Variants in SPAG16 observed in about 807,000 individuals in gnomAD.
SPAG16 encodes the protein sperm-associated antigen 16 protein.
SPAG16 carries 86 observed loss-of-function variants against 80.4 expected under a neutral mutation model. The observed-to-expected ratio is 1.07, with a 90% CI of 0.90 to 1.28. The LOEUF (loss-of-function observed/expected upper bound fraction) is 1.28, where lower values mean the gene tolerates loss of function less well. Among genes scored for constraint, SPAG16 ranks in the 50% most tolerant of loss-of-function variants. The pLI is 0.00. For synonymous variants in SPAG16, 294 were observed against 265.9 expected (o/e 1.11, Z -1.03); for missense variants, 870 against 765.3 (o/e 1.14, Z -1.61).
intron 10 of SPAG16, among the ~76,000 whole-genome samples, chr2:213,513,599 A>G (rs2125822668): frequency 6.6e-6 from 1 of 152,278 alleles, no homozygotes; most frequent in Non-Finnish European, 1.5e-5. Context: ...GAGAAGGGTG[A>G]AAACAGAATG....
At chr2:214,191,360 G>C (rs910237244) in intron 15 of SPAG16, among the ~76,000 whole-genome samples, 1 of 152,070 alleles carries the variant, frequency 6.6e-6, no homozygotes, top group African/African-American at 2.4e-5. Flanking sequence ...ACCTTGAGCA[G>C]TAATTTGCTC....
rs114282726 is a variant in SPAG16, at chr2:213,767,997, A to G, written c.1071-94488A>G. On this transcript the variant is annotated intron_variant, in intron 10 of 15. Transcript: ENST00000331683. ...CAGTGTGTCAAAGTGCTGCACTGGA[A>G]CAGCTCTTAACTCAGTTTGGCAATG... Among the ~76,000 whole-genome samples the G allele has an allele frequency of 5.9e-3, 895 of 152,296 alleles. 11 individuals are homozygous for G. The highest frequency in any genetic ancestry group is 0.02 in the African/African-American group (843 of 41,546).
At chr2:213,770,140 A>T (rs956178014) in intron 10 of SPAG16, among the ~76,000 whole-genome samples, 1 of 152,154 alleles carries the variant, frequency 6.6e-6, no homozygotes, top group Non-Finnish European at 1.5e-5. Context: ...GTTTATTTAT[A>T]TATGTGTATT....
chr2:214,164,275 G>A (rs1318358298), intron 15 of SPAG16, among the ~76,000 whole-genome samples: 1 of 152,122 alleles, frequency 6.6e-6, no homozygotes, highest in African/African-American at 2.4e-5. Flanking sequence ...TTGCCAAGTG[G>A]TGATAAGTCT....
intron 13 of SPAG16, among the ~76,000 whole-genome samples, chr2:214,066,034 C>T (rs923439284): frequency 5.3e-5 from 8 of 152,176 alleles, no homozygotes; most frequent in African/African-American, 1.4e-4. Flanking sequence ...AAATCACCTT[C>T]AAATTATTCC....
At chr2:213,918,297 A>G (rs1337779100) in intron 11 of SPAG16, among the ~76,000 whole-genome samples, 1 of 152,166 alleles carries the variant, frequency 6.6e-6, no homozygotes, top group Non-Finnish European at 1.5e-5. Flanking sequence ...TGAGTTGAGA[A>G]GGAATCTCTC....
intron 12 of SPAG16, among the ~76,000 whole-genome samples, chr2:213,976,291 CAT>C (rs1226228124): frequency 4.6e-5 from 7 of 150,940 alleles, no homozygotes; most frequent in Non-Finnish European, 4.4e-5. Flanking sequence ...CATGTGTGCA[CAT>C]ATGCATACAC....
intron 10 of SPAG16, among the ~76,000 whole-genome samples, chr2:213,862,222 C>T (rs547359200): frequency 1.3e-5 from 2 of 152,132 alleles, no homozygotes; most frequent in East Asian, 1.9e-4. Context: ...TAGATATGCA[C>T]AATCACCTAA....
intron 10 of SPAG16, among the ~76,000 whole-genome samples, chr2:213,628,757 C>T (rs534387170): frequency 6.6e-6 from 1 of 152,150 alleles, no homozygotes; most frequent in African/African-American, 2.4e-5. Flanking sequence ...TTGTTAATAT[C>T]CACTTTTAAA....
intron 10 of SPAG16, among the ~76,000 whole-genome samples, chr2:213,505,210 A>G (rs539130406): frequency 6.6e-6 from 1 of 152,344 alleles, no homozygotes; most frequent in Non-Finnish European, 1.5e-5. Flanking sequence ...AGATTTAAAG[A>G]GTATTATAGA....
At chr2:213,384,315 T>C (rs1019169805) in intron 9 of SPAG16, among the ~76,000 whole-genome samples, 43 of 152,224 alleles carry the variant, frequency 2.8e-4, no homozygotes, top group African/African-American at 9.4e-4. Context: ...AGAATTAATG[T>C]GGAAGTTCTG....
At chr2:213,508,306 C>G (rs944473362) in intron 10 of SPAG16, among the ~76,000 whole-genome samples, 7 of 152,190 alleles carry the variant, frequency 4.6e-5, no homozygotes, top group Non-Finnish European at 8.8e-5. Context: ...GGCGCGGTGG[C>G]TCACGCCTGT....
chr2:213,358,647 A>T (rs1196609622), intron 7 of SPAG16, among the ~76,000 whole-genome samples: 1 of 152,184 alleles, frequency 6.6e-6, no homozygotes, highest in African/African-American at 2.4e-5. Context: ...TATTATAGTT[A>T]GCCATTCATC....
chr2:213,999,962 T>A (rs2046712978), intron 12 of SPAG16, among the ~76,000 whole-genome samples: 2 of 152,184 alleles, frequency 1.3e-5, no homozygotes, highest in Non-Finnish European at 2.9e-5. Flanking sequence ...CTAGCTTGCT[T>A]TTGATTTTAC....
chr2:213,482,881 A>C (rs2073819033), intron 9 of SPAG16, among the ~76,000 whole-genome samples: 1 of 152,188 alleles, frequency 6.6e-6, no homozygotes, highest in Non-Finnish European at 1.5e-5. Context: ...TATGGTATTT[A>C]TAGATTACAT....
At chr2:213,743,181 G>C (rs1425221723) in intron 10 of SPAG16, among the ~76,000 whole-genome samples, 1 of 152,210 alleles carries the variant, frequency 6.6e-6, no homozygotes, top group Non-Finnish European at 1.5e-5. Flanking sequence ...GGGATTACAG[G>C]CGTGAGCCAC....
chr2:213,284,543 C>T lies in SPAG16; in HGVS notation c.60C>T (p.Gly20=). ...TGAGGGTCCTGGAAGAGGCGTTGGG[C>T]ATGGGTTTGACGGCAGCCGGGGACG... ...SAVRVLEEAL[G]MGLTAAGDAR... is the part of the protein sequence containing the mutation. Residue 20 remains glycine, a synonymous_variant, in exon 1 of 16, where the codon GGC becomes GGT. Coordinates refer to ENST00000331683, the MANE Select transcript of SPAG16 (RefSeq NM_024532.5). 6.2e-7 allele frequency: 1 copy of T among 1,603,478 alleles called. No homozygotes were observed. Among genetic ancestry groups the T allele is most frequent in the Non-Finnish European group, 8.5e-7 (1 of 1,175,328 alleles).
At chr2:213,371,837 G>T (rs1409947589) in intron 8 of SPAG16, among the ~76,000 whole-genome samples, 1 of 152,056 alleles carries the variant, frequency 6.6e-6, no homozygotes. Context: ...TTCAGACAAT[G>T]ATAAAATATA....
At chr2:214,169,538 T>C (rs905599048) in intron 15 of SPAG16, among the ~76,000 whole-genome samples, 10 of 152,162 alleles carry the variant, frequency 6.6e-5, no homozygotes, top group South Asian at 2.1e-4. Context: ...ATTAGCCCCA[T>C]TGATATTCTC....
Sources: gnomAD v4.1 joint callset for allele counts (sites outside exome capture counted in the v4.1 genomes callset) on GRCh38, gnomAD v4.1.1 for gene constraint, MANE v1.5 for transcripts, NCBI Gene and HGNC (gene_info 2026-07-23, HGNC 2026-07-21) for gene names.